ART3: variants seen among roughly 807,000 people sequenced by gnomAD.
The protein encoded by ART3 is ecto-ADP-ribosyltransferase 3.
Under a neutral mutation model 48.5 loss-of-function variants are expected in ART3, and 49 were observed. The observed-to-expected ratio is 1.01, with a 90% CI of 0.80 to 1.28. The LOEUF (loss-of-function observed/expected upper bound fraction) is 1.28, where lower values mean the gene tolerates loss of function less well. ART3 is among the 50% of genes most tolerant of loss of function. ART3 has a pLI of 0.00. For missense variants in ART3, 438 were observed against 454.3 expected (o/e 0.96, Z 0.33); for synonymous variants, 145 against 157.2 (o/e 0.92, Z 0.58).
intron 1 of ART3, among the ~76,000 whole-genome samples, chr4:76,015,193 T>C (rs1269053891): frequency 6.6e-6 from 1 of 152,196 alleles, no homozygotes; most frequent in Admixed American, 6.5e-5. Flanking sequence ...ATTTTTCCTA[T>C]GTGAATTAAA....
At chr4:76,071,710 C>T (rs1158075236), upstream of ART3, among the ~76,000 whole-genome samples, 1 of 152,142 alleles carries the variant, frequency 6.6e-6, no homozygotes, top group Non-Finnish European at 1.5e-5. Flanking sequence ...GTATTTTCTT[C>T]ACTTGAGTTC....
At chr4:76,101,059 A>G in intron 8 of ART3, 40 bp downstream of exon 8, 1 of 1,609,000 alleles carries the variant, frequency 6.2e-7, no homozygotes, top group South Asian at 1.1e-5. Context: ...TACATTTTGC[A>G]ATATATCTCC....
At chr4:76,080,325 A>G (rs1442977919) in intron 2 of ART3, among the ~76,000 whole-genome samples, 2 of 152,184 alleles carry the variant, frequency 1.3e-5, no homozygotes, top group Non-Finnish European at 2.9e-5. Context: ...GCATGAAATA[A>G]TACAAAAAAA....
chr4:76,031,400 G>A (rs1007132762), intron 1 of ART3, among the ~76,000 whole-genome samples: 1 of 152,134 alleles, frequency 6.6e-6, no homozygotes, highest in Admixed American at 6.5e-5. Flanking sequence ...ATGCCTTGAA[G>A]TTTTGGAAAT....
At chr4:76,037,895 C>T (rs1222611961) in intron 1 of ART3, among the ~76,000 whole-genome samples, 1 of 152,032 alleles carries the variant, frequency 6.6e-6, no homozygotes, top group Non-Finnish European at 1.5e-5. Flanking sequence ...ATTATTTTAT[C>T]TTATTCAACT....
intron 1 of ART3, among the ~76,000 whole-genome samples, chr4:76,029,999 C>T (rs1733728437): frequency 6.6e-6 from 1 of 152,170 alleles, no homozygotes; most frequent in Non-Finnish European, 1.5e-5. Flanking sequence ...CTTGTCTCTT[C>T]TCTGCTTTAA....
chr4:76,083,827 C>T (rs1340456378), intron 3 of ART3, among the ~76,000 whole-genome samples: 5 of 152,142 alleles, frequency 3.3e-5, no homozygotes, highest in Non-Finnish European at 7.4e-5. Context: ...CTTTCTCCAG[C>T]CAAGGGAATA....
At chr4:76,018,160 G>T (rs1732432135) in intron 1 of ART3, among the ~76,000 whole-genome samples, 1 of 152,164 alleles carries the variant, frequency 6.6e-6, no homozygotes, top group Non-Finnish European at 1.5e-5. Context: ...TGTCATCACA[G>T]CCCTATTCAC....
Position 76,111,107 on chromosome 4 carries a change from A to T in ART3, c.1037-1279A>T, listed in dbSNP as rs1477450189. On this transcript the variant is annotated intron_variant, in intron 11 of 11. Coordinates refer to ENST00000355810, the MANE Select transcript of ART3 (RefSeq NM_001130016.3). ...CATTTCATGGCCACCTCCTGTTGCTATTGCAGTGAGTTCAAATGTTTCGAG... is the reference window on the plus strand; with the variant it reads ...CATTTCATGGCCACCTCCTGTTGCTTTTGCAGTGAGTTCAAATGTTTCGAG... Among the ~76,000 whole-genome samples the T allele has an allele frequency of 2.6e-5, 4 of 152,212 alleles. No homozygotes were observed. The East Asian group carries it at 7.7e-4, about 29-fold the overall frequency.
At chr4:76,100,239 C>G (rs1240483120) in intron 5 of ART3, 52 bp from the exon 6 acceptor site, 1 of 1,570,848 alleles carries the variant, frequency 6.4e-7, no homozygotes, top group African/African-American at 1.4e-5. Flanking sequence ...TAGTAACTGC[C>G]AGTTCTTTTG....
chr4:76,086,859 C>T (rs1208808984), intron 3 of ART3, among the ~76,000 whole-genome samples: 3 of 152,154 alleles, frequency 2.0e-5, no homozygotes, highest in Non-Finnish European at 4.4e-5. Flanking sequence ...CTTTCCTGCT[C>T]CCCCTATGTG....
chr4:76,101,758 A>C (rs78122653), intron 8 of ART3, among the ~76,000 whole-genome samples: 1 of 152,162 alleles, frequency 6.6e-6, no homozygotes, highest in African/African-American at 2.4e-5. Flanking sequence ...TCTTGGAAAA[A>C]AAAAATTACT....
intron 1 of ART3, among the ~76,000 whole-genome samples, chr4:76,019,381 G>A (rs977500603): frequency 2.7e-5 from 4 of 149,294 alleles, no homozygotes; most frequent in Non-Finnish European, 4.4e-5. Flanking sequence ...AATGAACTAT[G>A]TTAAAATTAT....
chr4:76,019,014 C>T (rs974100999), intron 1 of ART3, among the ~76,000 whole-genome samples: 5 of 149,516 alleles, frequency 3.3e-5, no homozygotes, highest in African/African-American at 5.0e-5. Context: ...TGCACTCCAG[C>T]CTGGGTGACA....
At chr4:76,052,678 G>A (rs573788883) in intron 1 of ART3, among the ~76,000 whole-genome samples, 6 of 149,420 alleles carry the variant, frequency 4.0e-5, no homozygotes, top group South Asian at 2.1e-4. Context: ...GCTCCCACTT[G>A]TAAGTGAGAA....
chr4:76,032,204 C>G (rs1460777281), intron 1 of ART3, among the ~76,000 whole-genome samples: 3 of 148,614 alleles, frequency 2.0e-5, no homozygotes, highest in Non-Finnish European at 4.4e-5. Flanking sequence ...TATCATGCAG[C>G]CTTAACTCTG....
intron 1 of ART3, among the ~76,000 whole-genome samples, chr4:76,044,941 C>G (rs543454833): frequency 6.6e-6 from 1 of 152,034 alleles, no homozygotes; most frequent in African/African-American, 2.4e-5. Flanking sequence ...TTAGGAACTC[C>G]CATTCTTTCC....
chr4:76,099,234 AG>A (rs1336917766), intron 5 of ART3: 2 of 448,904 alleles, frequency 4.5e-6, no homozygotes, highest in Non-Finnish European at 8.2e-6. Context: ...TCTGGGAGGC[AG>A]AGGTTGCAGT....
intron 1 of ART3, among the ~76,000 whole-genome samples, chr4:76,033,254 A>C (rs4512021): frequency 6.6e-6 from 1 of 151,984 alleles, no homozygotes; most frequent in African/African-American, 2.4e-5. Flanking sequence ...AGGACTAGCC[A>C]GAGTCATGCT....
Sources: gnomAD v4.1 joint callset for allele counts (sites outside exome capture counted in the v4.1 genomes callset) on GRCh38, gnomAD v4.1.1 for gene constraint, MANE v1.5 for transcripts, NCBI Gene and HGNC (gene_info 2026-07-23, HGNC 2026-07-21) for gene names.